Variants in MTOR observed in about 807,000 individuals in gnomAD.
MTOR encodes serine/threonine-protein kinase mTOR.
A neutral mutation model predicts 319.8 loss-of-function variants in MTOR; 70 were observed. The observed-to-expected ratio is 0.22, with a 90% CI of 0.18 to 0.27. The LOEUF is 0.27. Ranked by LOEUF, MTOR falls within the 10% of genes least tolerant of loss-of-function variation. The pLI is 1.00. For missense variants in MTOR, 1,890 were observed against 3,274.4 expected (o/e 0.58, Z 10.32); for synonymous variants, 1,183 against 1,211.4 (o/e 0.98, Z 0.49).
chr1:11,146,869 G>T, intron 31 of MTOR, 78 bp from the exon 32 acceptor site: 3 of 979,498 alleles, frequency 3.1e-6, no homozygotes, highest in Non-Finnish European at 3.3e-6. Flanking sequence ...AATAGGTCTT[G>T]CCACTGTTAT....
Position 11,139,361 on chromosome 1 carries a change from T to A in MTOR, c.5073A>T (p.Thr1691=). Residue 1691 remains threonine, a synonymous_variant, in exon 36 of 58, where the codon ACA becomes ACT. Coordinates refer to ENST00000361445, the MANE Select transcript of MTOR (RefSeq NM_004958.4). ...AGGCATAGGTCACCTGAGGGTGAACTGTTGGCAGAGGATGGTCAAGTTGCC... is the reference window on the plus strand; with the variant it reads ...AGGCATAGGTCACCTGAGGGTGAACAGTTGGCAGAGGATGGTCAAGTTGCC... ...PSRQLDHPLP[T]VHPQVTYAYM... is the part of the protein sequence containing the mutation. 1 of 1,613,600 alleles carries A rather than the reference T, an allele frequency of 6.2e-7. No individual in the cohort carries two copies. The highest frequency in any genetic ancestry group is 8.5e-7 in the Non-Finnish European group (1 of 1,179,878).
Position 11,240,502 on chromosome 1 carries a change from T to C in MTOR, c.1587A>G (p.Pro529=), listed in dbSNP as rs766082471. The change falls in exon 11 of 58, where the codon CCA becomes CCG. Residue 529 remains proline (P), a synonymous_variant. Transcript: ENST00000361445. ...AVLYDLSRQI[P]QLKKDIQDGL... Reference sequence around the variant, plus strand: ...CATCTTGAATGTCCTTCTTTAGCTGTGGAATCTGACGGCTCAGGTCGTAGA... The same window carrying C: ...CATCTTGAATGTCCTTCTTTAGCTGCGGAATCTGACGGCTCAGGTCGTAGA... 8.7e-6 allele frequency: 14 copies of C among 1,614,120 alleles called. No individual in the cohort carries two copies. In the East Asian group the frequency reaches 2.9e-4, roughly 33 times the overall value.
chr1:11,229,010 A>G (rs1646934986), intron 18 of MTOR, 92 bp from the exon 19 acceptor site: 1 of 1,452,066 alleles, frequency 6.9e-7, no homozygotes, highest in African/African-American at 1.4e-5. Context: ...CTCCTAACAG[A>G]CATTAGCATT....
Position 11,237,981 on chromosome 1 carries a change from C to G in MTOR, c.2070G>C (p.Ala690=), listed in dbSNP as rs55752564. 6 of 1,614,178 alleles carry G rather than the reference C, an allele frequency of 3.7e-6. No homozygotes were observed. The highest frequency in any genetic ancestry group is 5.1e-6 in the Non-Finnish European group (6 of 1,180,024). The change falls in exon 13 of 58, where the codon GCG becomes GCC. Residue 690 remains alanine (A), a synonymous_variant. Transcript: ENST00000361445. ...DERFDAHLAQ[A]ENLQALFVAL... ...CCACAAACAAGGCCTGCAAGTTCTC[C>G]GCCTGGGCCAGGTGTGCATCAAAGC...
At position 11,139,649 on chromosome 1, in the gene MTOR, G is replaced by A. The variant is rs1190108406; in HGVS notation, c.4882C>T (p.Arg1628Cys). ...ATTTTCTGCCAGTCCTCTACGATAC[G>A]CTGGCAGCCCTGGAACATTCAGAAG... ...IWWERLQGCQ[R>C]IVEDWQKILM... Residue 1628 changes from arginine (R) to cysteine (C), a missense_variant, in exon 35 of 58, where the codon CGT (arginine) becomes TGT (cysteine). This residue lies in a region of MTOR where 276 missense variants were observed against 459.4 expected (regional missense o/e 0.60). Transcript: ENST00000361445. The A allele has an allele frequency of 6.2e-7, 1 of 1,614,142 alleles. No homozygotes were observed. The highest frequency in any genetic ancestry group is 8.5e-7 in the Non-Finnish European group (1 of 1,180,024).
At chr1:11,111,309 T>C (rs557646323) in intron 54 of MTOR, among the ~76,000 whole-genome samples, 2 of 151,926 alleles carry the variant, frequency 1.3e-5, no homozygotes, top group African/African-American at 2.4e-5. Flanking sequence ...TGAAACCCTA[T>C]CTCTACTAAA....
At chr1:11,157,395 CTT>C in intron 29 of MTOR, 104 bp from the exon 30 acceptor site, 2 of 1,342,866 alleles carry the variant, frequency 1.5e-6, no homozygotes, top group Non-Finnish European at 1.0e-6. Flanking sequence ...ACGCATGACA[CTT>C]CACCTATCAC....
rs2100401750 is a variant in MTOR, at chr1:11,127,069, T to A, written c.6292A>T (p.Thr2098Ser). The change falls in exon 45 of 58, where the codon ACC becomes TCC. Residue 2098 changes from threonine to serine, a missense_variant. This residue lies in a region of MTOR where 249 missense variants were observed against 596.2 expected (regional missense o/e 0.42). Transcript: ENST00000361445. The surrounding 1 kb of genome is among the most constrained non-coding windows in gnomAD (Gnocchi z 5.5). ...YMKSGNVKDL[T>S]QAWDLYYHVF... ...TGATAATAGAGGTCCCAGGCTTGGG[T>A]GAGGTCCTTGACATTCCCTGATTTC... The A allele has an allele frequency of 6.2e-7, 1 of 1,614,166 alleles. No homozygotes were observed.
At position 11,106,745 on chromosome 1, in the gene MTOR, C is replaced by T. The variant is rs1557731995; in HGVS notation, c.*740G>A. 4.1e-6 allele frequency: 5 copies of T among 1,233,868 alleles called. No homozygotes were observed. The highest frequency in any genetic ancestry group is 3.5e-5 in the Admixed American group (1 of 28,204). 76.4% of individuals were successfully genotyped at this position (1,233,868 alleles called of 1,614,324 possible). A position where few individuals can be genotyped will look rare whatever the true frequency, so the allele number is the denominator to read the frequency against. On this transcript the variant is annotated 3_prime_UTR_variant, in exon 58 of 58. Transcript: ENST00000361445. ...CCTTGCTCTAAACAGAGTATTTTGACCACTGAAAACATCCCAGAACCCTGC... is the reference window on the plus strand; with the variant it reads ...CCTTGCTCTAAACAGAGTATTTTGATCACTGAAAACATCCCAGAACCCTGC...
intron 26 of MTOR, among the ~76,000 whole-genome samples, chr1:11,203,015 C>A (rs1646028587): frequency 6.6e-6 from 1 of 152,084 alleles, no homozygotes; most frequent in South Asian, 2.1e-4. Context: ...GAGTTCAAGA[C>A]CAGCCTGGCC....
chr1:11,110,834 C>A lies in MTOR; in HGVS notation c.7367-1105G>T, dbSNP rs528564420. Among the ~76,000 whole-genome samples the A allele has an allele frequency of 2.6e-5, 4 of 152,306 alleles. 1 individual carries two copies. In the South Asian group the frequency reaches 8.3e-4, roughly 32 times the overall value. ...TACAGGTGTGCACCACAACACCCAG[C>A]TGGAATTTAACTTTTAAGCTAAACA... On this transcript the variant is annotated intron_variant, in intron 54 of 57. Transcript: ENST00000361445.
intron 26 of MTOR, among the ~76,000 whole-genome samples, chr1:11,201,850 A>G (rs1237596725): frequency 6.6e-6 from 1 of 152,210 alleles, no homozygotes; most frequent in African/African-American, 2.4e-5. Flanking sequence ...TCTGCCATCT[A>G]GGCTGGAATG....
intron 29 of MTOR, among the ~76,000 whole-genome samples, chr1:11,161,206 T>A (rs1207333545): frequency 6.6e-6 from 1 of 152,066 alleles, no homozygotes; most frequent in African/African-American, 2.4e-5. Flanking sequence ...CAGTCTGAGA[T>A]CAAACTGCAA....
intron 13 of MTOR, among the ~76,000 whole-genome samples, chr1:11,235,870 T>A (rs1223647611): frequency 6.6e-6 from 1 of 151,780 alleles, no homozygotes; most frequent in Non-Finnish European, 1.5e-5. Context: ...TAGTCCCAGC[T>A]ACTCAGGAGG....
chr1:11,238,195 C>A (rs891692535), intron 12 of MTOR, 147 bp from the exon 13 acceptor site: 7 of 950,808 alleles, frequency 7.4e-6, no homozygotes, highest in East Asian at 2.6e-5. Context: ...TCTCTACTCA[C>A]AAGAGTAAAA....
chr1:11,226,815 G>T (rs12032364), intron 19 of MTOR, among the ~76,000 whole-genome samples: 98,741 of 151,896 alleles, frequency 0.65, 34,151 homozygotes, highest in East Asian at 0.91. Context: ...GAGGTCTTAT[G>T]ACTTTTTTAG....
At chr1:11,156,097 C>T (rs890930349) in intron 30 of MTOR, among the ~76,000 whole-genome samples, 14 of 152,070 alleles carry the variant, frequency 9.2e-5, no homozygotes, top group Non-Finnish European at 1.8e-4. Flanking sequence ...TTCAAGTGAT[C>T]CTCCTGCCTC....
At position 11,247,657 on chromosome 1, in the gene MTOR, C is replaced by A. The variant is rs1322607710; in HGVS notation, c.1193G>T (p.Arg398Leu). ...GGCAGAAGGTCGGAATGCAGCCAAG[C>A]GGGGCAACAAATTAAGGATTGTCAT... ...IQMTILNLLP[R>L]LAAFRPSAFT... Residue 398 changes from arginine to leucine, a missense_variant, in exon 8 of 58, where the codon CGC becomes CTC. Physicochemically the swap from Arg to Leu is moderately radical, Grantham distance 102. Coordinates refer to ENST00000361445, the MANE Select transcript of MTOR (RefSeq NM_004958.4). 6 of 1,613,978 alleles carry A rather than the reference C, an allele frequency of 3.7e-6. No homozygotes were observed. The highest frequency in any genetic ancestry group is 5.1e-6 in the Non-Finnish European group (6 of 1,180,024).
At chr1:11,203,718 C>A (rs1287534668) in intron 26 of MTOR, among the ~76,000 whole-genome samples, 1 of 152,182 alleles carries the variant, frequency 6.6e-6, no homozygotes, top group Non-Finnish European at 1.5e-5. Flanking sequence ...AAGATGTCTG[C>A]AACAGTGGCT....
Sources: allele counts gnomAD v4.1 joint callset (sites outside exome capture counted in the v4.1 genomes callset), GRCh38; gene constraint gnomAD v4.1.1; regional missense constraint gnomAD v4.1.1; non-coding constraint Gnocchi (gnomAD v3.1); transcripts MANE v1.5; gene names NCBI Gene and HGNC (gene_info 2026-07-23, HGNC 2026-07-21).